The following ZNF354B variants were observed in gnomAD, a reference collection of about 807,000 sequenced individuals.
ZNF354B encodes the protein zinc finger protein 354B.
In ZNF354B, 10 loss-of-function variants were observed where a neutral mutation model predicts 12.9. The observed-to-expected ratio is 0.77, with a 90% CI of 0.48 to 1.31. ZNF354B has a LOEUF of 1.31. Among genes scored for constraint, ZNF354B ranks in the 40% most tolerant of loss-of-function variants. The probability of loss-of-function intolerance (pLI) is 0.00; values close to 1 mark genes in which losing one functional copy is unlikely to be tolerated. For synonymous variants in ZNF354B, 260 were observed against 243.7 expected (o/e 1.07, Z -0.62); for missense variants, 614 against 711.7 (o/e 0.86, Z 1.56).
At position 178,870,174 on chromosome 5, in the gene ZNF354B, T is replaced by C. The variant is rs2114014810; in HGVS notation, c.256+3103T>C. On this transcript the variant is annotated intron_variant, in intron 4 of 4. Transcript: ENST00000322434. The stretch of plus-strand genomic sequence containing the variant: ...ATAACTTTAAAAAAGAAAAAAAATA[T>C]TTTAGACAAAAACCTACCCTTTGAA... Among the ~76,000 whole-genome samples the C allele has an allele frequency of 1.3e-5, 2 of 152,174 alleles. 1 individual carries two copies. Among genetic ancestry groups the C allele is most frequent in the South Asian group, 4.2e-4 (2 of 4,818 alleles).
intron 4 of ZNF354B, among the ~76,000 whole-genome samples, chr5:178,872,042 A>C (rs575511521): frequency 5.0e-4 from 76 of 152,330 alleles, no homozygotes; most frequent in African/African-American, 1.8e-3. Context: ...TGACATTGAT[A>C]CAGTGAAGAT....
intron 4 of ZNF354B, among the ~76,000 whole-genome samples, chr5:178,879,042 G>GT: frequency 6.7e-6 from 1 of 148,620 alleles, no homozygotes; most frequent in Admixed American, 6.7e-5. Context: ...GGACCTTGTT[G>GT]TTTGTGTGTG....
chr5:178,866,005 A>C (rs554089510), intron 2 of ZNF354B, among the ~76,000 whole-genome samples: 1 of 152,354 alleles, frequency 6.6e-6, no homozygotes, highest in South Asian at 2.1e-4. Flanking sequence ...TAAGGGTCCC[A>C]CTAATGGCCG....
At chr5:178,868,538 C>T (rs1757500862) in intron 4 of ZNF354B, among the ~76,000 whole-genome samples, 1 of 151,808 alleles carries the variant, frequency 6.6e-6, no homozygotes, top group Admixed American at 6.6e-5. Flanking sequence ...ACACAAGGCA[C>T]AGAAGGACAC....
At chr5:178,882,472 G>T (rs1233018749) in intron 4 of ZNF354B, among the ~76,000 whole-genome samples, 1 of 152,050 alleles carries the variant, frequency 6.6e-6, no homozygotes, top group Non-Finnish European at 1.5e-5. Context: ...TGATCCTTCT[G>T]CTCCATTCTC....
chr5:178,869,789 G>A (rs774063556), intron 4 of ZNF354B, among the ~76,000 whole-genome samples: 2 of 152,098 alleles, frequency 1.3e-5, no homozygotes, highest in Non-Finnish European at 2.9e-5. Context: ...TGCTCTTGGT[G>A]GGATGACCTT....
chr5:178,872,890 A>C (rs934441537), intron 4 of ZNF354B, among the ~76,000 whole-genome samples: 4 of 151,998 alleles, frequency 2.6e-5, no homozygotes, highest in African/African-American at 9.7e-5. Context: ...GGGTTCAAGC[A>C]ATTCTCATAC....
rs1757771148 is a variant in ZNF354B, at chr5:178,884,388, A to C, written c.*97A>C. On this transcript the variant is annotated 3_prime_UTR_variant, in exon 5 of 5. Transcript: ENST00000322434. Reference sequence around the variant, plus strand: ...AACTCTTAGTTCTCATCAGATACTAAGTTTTAAGAATAAACTTTAGCTATG... The same window carrying C: ...AACTCTTAGTTCTCATCAGATACTACGTTTTAAGAATAAACTTTAGCTATG... 7.7e-7 allele frequency: 1 copy of C among 1,299,968 alleles called. No homozygotes were observed. The highest frequency in any genetic ancestry group is 1.0e-6 in the Non-Finnish European group (1 of 961,932). The allele number at this position is 1,299,968 out of a possible 1,614,324, so 80.5% of individuals were successfully genotyped here.
intron 3 of ZNF354B, 52 bp downstream of exon 3, chr5:178,866,422 C>G (rs1442620684): frequency 2.5e-6 from 4 of 1,581,114 alleles, no homozygotes; most frequent in Non-Finnish European, 3.4e-6. Flanking sequence ...GATATCTCAG[C>G]ACCTCCTTCC....
rs766935363 is a variant in ZNF354B at position 178,883,380 on chromosome 5, A to T, written c.928A>T (p.Arg310Trp). Residue 310 changes from arginine (R) to tryptophan (W), a missense_variant, in exon 5 of 5, where the codon AGG becomes TGG. Transcript: ENST00000322434. ...AGAATGTGGTAAATCCTTCAGTCGAAGGTCTGGGCTTTTTATACATCAAAA... is the reference window on the plus strand; with the variant it reads ...AGAATGTGGTAAATCCTTCAGTCGATGGTCTGGGCTTTTTATACATCAAAA... ...CKECGKSFSR[R>W]SGLFIHQKIH... The T allele has an allele frequency of 1.2e-5, 19 of 1,614,160 alleles. No individual in the cohort carries two copies. The highest frequency in any genetic ancestry group is 1.6e-5 in the Non-Finnish European group (19 of 1,180,002).
intron 4 of ZNF354B, among the ~76,000 whole-genome samples, chr5:178,869,059 C>T (rs975097917): frequency 3.3e-5 from 5 of 152,032 alleles, no homozygotes; most frequent in Non-Finnish European, 7.3e-5. Flanking sequence ...CGAAGAGAGC[C>T]GCGGGCCTTG....
At chr5:178,863,776 A>C (rs1371918420) in intron 2 of ZNF354B, among the ~76,000 whole-genome samples, 1 of 152,190 alleles carries the variant, frequency 6.6e-6, no homozygotes, top group African/African-American at 2.4e-5. Context: ...GGCAGGGTGG[A>C]GAGGTGGAAG....
At chr5:178,880,391 G>A (rs1757700226) in intron 4 of ZNF354B, among the ~76,000 whole-genome samples, 1 of 151,474 alleles carries the variant, frequency 6.6e-6, no homozygotes, top group Non-Finnish European at 1.5e-5. Flanking sequence ...GTAGAGATGG[G>A]GTTTCACTGT....
chr5:178,867,583 G>T (rs955049527), intron 4 of ZNF354B, among the ~76,000 whole-genome samples: 58 of 152,342 alleles, frequency 3.8e-4, no homozygotes, highest in East Asian at 3.9e-4. Context: ...CTCCATCCGT[G>T]TAAGAACAGC....
At chr5:178,865,518 C>T (rs961314947) in intron 2 of ZNF354B, among the ~76,000 whole-genome samples, 7 of 152,108 alleles carry the variant, frequency 4.6e-5, no homozygotes, top group African/African-American at 7.2e-5. Context: ...CCAGCCATCT[C>T]GGCCTCCCAA....
intron 3 of ZNF354B, among the ~76,000 whole-genome samples, 176 bp downstream of exon 3, chr5:178,866,546 T>C (rs1053360176): frequency 6.6e-6 from 1 of 152,224 alleles, no homozygotes; most frequent in Non-Finnish European, 1.5e-5. Context: ...AGTATGGAAT[T>C]GCTCTATGTC....
In ZNF354B at chr5:178,871,240, T is replaced by C. The variant is rs73330601; in HGVS notation, c.256+4169T>C. Among the ~76,000 whole-genome samples the C allele has an allele frequency of 3.3e-3, 497 of 152,296 alleles. 2 individuals carry two copies. Among genetic ancestry groups the C allele is most frequent in the African/African-American group, 0.011 (468 of 41,572 alleles). On this transcript the variant is annotated intron_variant, in intron 4 of 4. Coordinates refer to ENST00000322434, the MANE Select transcript of ZNF354B (RefSeq NM_058230.3). ...ACCCTTAGCTCCTTCCACTCTGCCCTTCATTCAAGGCCTCTGATCACCCTT... is the reference window on the plus strand; with the variant it reads ...ACCCTTAGCTCCTTCCACTCTGCCCCTCATTCAAGGCCTCTGATCACCCTT...
In ZNF354B at chr5:178,883,080, G is replaced by C. The variant is rs781361271; in HGVS notation, c.628G>C (p.Ala210Pro). The C allele has an allele frequency of 6.2e-7, 1 of 1,606,930 alleles. No individual in the cohort carries two copies. Reference protein sequence around the residue: ...NLLNQSKIKTAEKRYKCSTCE... With the variant: ...NLLNQSKIKTPEKRYKCSTCE... ...ACTTAACCAATCAAAAATCAAAACA[G>C]CAGAGAAACGCTATAAATGCAGTAC... is the stretch of plus-strand genomic sequence containing the variant. The change falls in exon 5 of 5, where the codon GCA becomes CCA. Residue 210 changes from alanine (A) to proline (P), a missense_variant. Ala to Pro is a conservative substitution (Grantham distance 27). Coordinates refer to ENST00000322434, the MANE Select transcript of ZNF354B (RefSeq NM_058230.3).
intron 4 of ZNF354B, among the ~76,000 whole-genome samples, chr5:178,871,841 AAGG>A (rs746319687): frequency 6.6e-6 from 1 of 152,182 alleles, no homozygotes; most frequent in South Asian, 2.1e-4. Flanking sequence ...CTACCACTGG[AAGG>A]AGATTAGATT....
Sources: allele counts gnomAD v4.1 joint callset (sites outside exome capture counted in the v4.1 genomes callset), GRCh38; gene constraint gnomAD v4.1.1; transcripts MANE v1.5; gene names NCBI Gene and HGNC (gene_info 2026-07-23, HGNC 2026-07-21).